The following POFUT1 variants were observed in gnomAD, a reference collection of about 807,000 sequenced individuals.
POFUT1 encodes the protein GDP-fucose protein O-fucosyltransferase 1.
Under a neutral mutation model 42.4 loss-of-function variants are expected in POFUT1, and 16 were observed. That is an observed-to-expected ratio of 0.38 (90% confidence interval 0.26 to 0.57). POFUT1 has a LOEUF of 0.57. Ranked by LOEUF, POFUT1 falls within the 20% of genes least tolerant of loss-of-function variation. The pLI is 0.71. For synonymous variants in POFUT1, 206 were observed against 205.4 expected (o/e 1.00, Z -0.03); for missense variants, 470 against 504.6 (o/e 0.93, Z 0.66).
Position 32,207,918 on chromosome 20 carries a change from G to T in POFUT1, c.-24G>T, listed in dbSNP as rs143528740. On this transcript the variant is annotated 5_prime_UTR_variant, in exon 1 of 7. Coordinates refer to ENST00000375749, the MANE Select transcript of POFUT1 (RefSeq NM_015352.2). Reference sequence around the variant, plus strand: ...CTTCCCTCCCCGACTGTGCGCCGCGGCTGGCTCGGGTTCCCGGGCCGACAT... The same window carrying T: ...CTTCCCTCCCCGACTGTGCGCCGCGTCTGGCTCGGGTTCCCGGGCCGACAT... 3.2e-6 allele frequency: 5 copies of T among 1,570,138 alleles called. No homozygotes were observed. The Admixed American group carries it at 5.3e-5, about 17-fold the overall frequency.
chr20:32,214,763 C>T (rs545061634), intron 2 of POFUT1, among the ~76,000 whole-genome samples: 3 of 152,300 alleles, frequency 2.0e-5, no homozygotes, highest in Admixed American at 1.3e-4. Context: ...TTTTTTAACA[C>T]AAGGGATGTT....
rs762116000 is a variant in POFUT1 at position 32,236,328 on chromosome 20, TG to T, written c.*1671del. ...CACACTTTAGAGTCTGGGGCTCCAGTGGGGCCCGCCTAATTTTTTTTCCCCC... is the reference window on the plus strand; with the variant it reads ...CACACTTTAGAGTCTGGGGCTCCAGTGGGCCCGCCTAATTTTTTTTCCCCC... On this transcript the variant is annotated 3_prime_UTR_variant, in exon 7 of 7. Coordinates refer to ENST00000375749, the MANE Select transcript of POFUT1 (RefSeq NM_015352.2). 2.0e-5 allele frequency: 3 copies of T among 152,334 alleles called. No homozygotes were observed. Among genetic ancestry groups the T allele is most frequent in the Non-Finnish European group, 4.4e-5 (3 of 68,070 alleles). The allele number at this position is 152,334 out of a possible 1,614,324, so 9.4% of individuals were successfully genotyped here.
chr20:32,223,176 C>A (rs1390734323), intron 4 of POFUT1: 2 of 985,314 alleles, frequency 2.0e-6, no homozygotes, highest in Non-Finnish European at 2.4e-6. Flanking sequence ...GGCCCAGCAG[C>A]AGGAAAGCCA....
chr20:32,231,769 G>A (rs749034565), intron 6 of POFUT1, among the ~76,000 whole-genome samples: 4 of 152,150 alleles, frequency 2.6e-5, no homozygotes, highest in Non-Finnish European at 5.9e-5. Context: ...CAAAATAAGT[G>A]CTCAATAAAG....
intron 5 of POFUT1, among the ~76,000 whole-genome samples, chr20:32,229,915 C>A (rs1171716790): frequency 6.6e-6 from 1 of 152,080 alleles, no homozygotes; most frequent in Non-Finnish European, 1.5e-5. Context: ...GTAGCTGAGA[C>A]CACAGGCGCA....
At chr20:32,229,379 G>A (rs76924302) in intron 5 of POFUT1, among the ~76,000 whole-genome samples, 285 of 152,170 alleles carry the variant, frequency 1.9e-3, no homozygotes, top group African/African-American at 6.5e-3. Context: ...AAAATCTATC[G>A]CAAGAATGTA....
At chr20:32,231,919 C>G in intron 6 of POFUT1, among the ~76,000 whole-genome samples, 1 of 152,184 alleles carries the variant, frequency 6.6e-6, no homozygotes, top group East Asian at 1.9e-4. Flanking sequence ...TCAGTGCTTA[C>G]TATATCAGTG....
At chr20:32,216,844 C>T in intron 4 of POFUT1, 123 bp downstream of exon 4, 1 of 1,417,424 alleles carries the variant, frequency 7.1e-7, no homozygotes, top group Non-Finnish European at 9.7e-7. Context: ...GGTGCAGGTG[C>T]TCTGTCTGTT....
At position 32,234,641 on chromosome 20, in the gene POFUT1, A is replaced by G. The variant is rs954860472; in HGVS notation, c.1147A>G (p.Lys383Glu). Residue 383 changes from lysine (K) to glutamate (E), a missense_variant, in exon 7 of 7, where the codon AAG becomes GAG. Lys to Glu is a moderately conservative substitution (Grantham distance 56). Coordinates refer to ENST00000375749, the MANE Select transcript of POFUT1 (RefSeq NM_015352.2). ...SSFFGMDRPP[K>E]LRDEF Reference sequence around the variant, plus strand: ...TTTCTTCGGCATGGACAGGCCCCCTAAGCTGCGGGACGAGTTCTGATTCTG... The same window carrying G: ...TTTCTTCGGCATGGACAGGCCCCCTGAGCTGCGGGACGAGTTCTGATTCTG... The G allele has an allele frequency of 6.2e-7, 1 of 1,610,692 alleles. No homozygotes were observed. The highest frequency in any genetic ancestry group is 8.5e-7 in the Non-Finnish European group (1 of 1,178,142).
chr20:32,230,885 G>A lies in POFUT1; in HGVS notation c.802G>A (p.Val268Met). 6.2e-7 allele frequency: 1 copy of A among 1,614,200 alleles called. No homozygotes were observed. The highest frequency in any genetic ancestry group is 8.5e-7 in the Non-Finnish European group (1 of 1,180,042). Residue 268 changes from valine (V) to methionine (M), a missense_variant, in exon 6 of 7, where the codon GTG becomes ATG. Physicochemically the swap from Val to Met is conservative, Grantham distance 21. Transcript: ENST00000375749. ...GSHFMASPQC[V>M]GYSRSTAAPL... ...GCACTTCATGGCCTCTCCGCAGTGT[G>A]TGGGCTACAGCCGCAGCACAGCGGC... is the stretch of plus-strand genomic sequence containing the variant.
In POFUT1 at chr20:32,227,158, C is replaced by T. The variant is rs529150727; in HGVS notation, c.543-1105C>T. Among the ~76,000 whole-genome samples, 129 of 152,152 alleles carry T rather than the reference C, an allele frequency of 8.5e-4. 2 individuals carry two copies. In the South Asian group the frequency reaches 0.016, roughly 19 times the overall value. On this transcript the variant is annotated intron_variant, in intron 4 of 6. Coordinates refer to ENST00000375749, the MANE Select transcript of POFUT1 (RefSeq NM_015352.2). The stretch of plus-strand genomic sequence containing the variant: ...GTGAACATGGAACAGCAAGGGGTTT[C>T]GTGCTGCTGAGAGGTAGTCTGGGTT...
intron 2 of POFUT1, among the ~76,000 whole-genome samples, chr20:32,211,910 C>T (rs139845245): frequency 4.3e-4 from 65 of 152,330 alleles, no homozygotes; most frequent in African/African-American, 1.5e-3. Context: ...CCTCTTTCCA[C>T]TGTATCAGGG....
intron 4 of POFUT1, among the ~76,000 whole-genome samples, chr20:32,225,174 CT>C (rs1303948892): frequency 1.3e-5 from 2 of 151,928 alleles, no homozygotes; most frequent in Non-Finnish European, 2.9e-5. Flanking sequence ...TATATACAAC[CT>C]TTTTTTATTT....
intron 4 of POFUT1, among the ~76,000 whole-genome samples, chr20:32,227,015 C>T (rs1387974808): frequency 6.6e-6 from 1 of 152,110 alleles, no homozygotes; most frequent in Admixed American, 6.5e-5. Flanking sequence ...AAACTGTTTT[C>T]CAGAATGGCT....
intron 4 of POFUT1, among the ~76,000 whole-genome samples, chr20:32,222,232 G>T (rs2047394602): frequency 6.6e-6 from 1 of 152,208 alleles, no homozygotes; most frequent in South Asian, 2.1e-4. Flanking sequence ...GAACCTGGGA[G>T]GCGGAGGTTG....
At position 32,209,223 on chromosome 20, in the gene POFUT1, G is replaced by A. The variant is rs116240924; in HGVS notation, c.125-848G>A. Among the ~76,000 whole-genome samples, 531 of 152,258 alleles carry A rather than the reference G, an allele frequency of 3.5e-3. 2 individuals carry two copies. The highest frequency in any genetic ancestry group is 0.012 in the African/African-American group (498 of 41,554). On this transcript the variant is annotated intron_variant, in intron 1 of 6. Transcript: ENST00000375749. The stretch of plus-strand genomic sequence containing the variant: ...GCCTGGAATCCTCTCCTCCATTTCT[G>A]CCTGACCAGCTGTTTCCCATCCTTT...
chr20:32,228,855 C>T (rs769464473), intron 5 of POFUT1, among the ~76,000 whole-genome samples: 1 of 152,216 alleles, frequency 6.6e-6, no homozygotes, highest in Non-Finnish European at 1.5e-5. Flanking sequence ...GTCATCCTAA[C>T]AGAATTTGGA....
chr20:32,209,548 CA>C (rs1229542949), intron 1 of POFUT1, among the ~76,000 whole-genome samples: 3 of 152,210 alleles, frequency 2.0e-5, no homozygotes, highest in African/African-American at 7.2e-5. Flanking sequence ...GAAAAGGAAT[CA>C]CACAGGGTCC....
rs372275365 is a variant in POFUT1, at chr20:32,215,295, C to G, written c.273C>G (p.Phe91Leu). The change falls in exon 3 of 7, where the codon TTC becomes TTG. Residue 91 changes from phenylalanine to leucine, a missense_variant. Transcript: ENST00000375749. ...TCCATGTGTCCTACCAGAAGTACTT[C>G]AAGCTGGAGCCCCTCCAGGCTTACC... is the stretch of plus-strand genomic sequence containing the variant. Reference protein sequence around the residue: ...TNLHVSYQKYFKLEPLQAYHR... With the variant: ...TNLHVSYQKYLKLEPLQAYHR... 7 of 1,612,812 alleles carry G rather than the reference C, an allele frequency of 4.3e-6. No individual in the cohort carries two copies. In the South Asian group the frequency reaches 5.5e-5, roughly 13 times the overall value.
Sources: allele counts gnomAD v4.1 joint callset (sites outside exome capture counted in the v4.1 genomes callset), GRCh38; gene constraint gnomAD v4.1.1; transcripts MANE v1.5; gene names NCBI Gene and HGNC (gene_info 2026-07-23, HGNC 2026-07-21).